Variants in CLMN observed in about 807,000 individuals in gnomAD.
CLMN encodes the protein calmin.
A neutral mutation model predicts 92.7 loss-of-function variants in CLMN; 57 were observed. The ratio of observed to expected loss-of-function variants is 0.61; its 90% CI spans 0.50 to 0.77. The LOEUF (loss-of-function observed/expected upper bound fraction) is 0.77, where lower values mean the gene tolerates loss of function less well. Among genes scored for constraint, CLMN ranks in the 30% least tolerant of loss-of-function variants. The probability of loss-of-function intolerance (pLI) is 0.00; values close to 1 mark genes in which losing one functional copy is unlikely to be tolerated. For missense variants in CLMN, 1,158 were observed against 1,237.5 expected, an observed-to-expected ratio of 0.94 and a Z score of 0.96; for synonymous variants, 466 against 470.6, an observed-to-expected ratio of 0.99 and a Z score of 0.13.
chr14:95,208,675 G>A (rs1023826317), intron 8 of CLMN, among the ~76,000 whole-genome samples: 6 of 152,224 alleles, frequency 3.9e-5, no homozygotes, highest in African/African-American at 1.4e-4. Flanking sequence ...CACGTTACAT[G>A]TAAATAGTTC....
At chr14:95,215,107 T>TA (rs1000718708) in intron 5 of CLMN, among the ~76,000 whole-genome samples, 3 of 152,134 alleles carry the variant, frequency 2.0e-5, no homozygotes, top group Admixed American at 6.5e-5. Context: ...AGTATAACAA[T>TA]AAAAAATAAA....
chr14:95,210,409 A>G (rs1595571173), intron 7 of CLMN, among the ~76,000 whole-genome samples: 2 of 152,358 alleles, frequency 1.3e-5, no homozygotes, highest in South Asian at 4.1e-4. Context: ...ATAAAAATAT[A>G]TAATACATTA....
intron 1 of CLMN, among the ~76,000 whole-genome samples, chr14:95,233,391 C>T (rs899842237): frequency 1.7e-4 from 26 of 151,320 alleles, no homozygotes; most frequent in Non-Finnish European, 3.1e-4. Flanking sequence ...ATCCAACCAT[C>T]CATTTATCCA....
intron 1 of CLMN, among the ~76,000 whole-genome samples, chr14:95,253,556 C>T (rs976950001): frequency 6.6e-6 from 1 of 151,536 alleles, no homozygotes; most frequent in African/African-American, 2.4e-5. Context: ...CCTAATATGG[C>T]CCAGTCATGT....
intron 7 of CLMN, 40 bp downstream of exon 7, chr14:95,210,646 A>T (rs765063740): frequency 6.6e-7 from 1 of 1,523,308 alleles, no homozygotes; most frequent in Admixed American, 2.0e-5. Context: ...GTACATTTGT[A>T]AAAAAAAATT....
chr14:95,203,856 C>T lies in CLMN; in HGVS notation c.1493G>A (p.Gly498Asp). 1 of 1,614,088 alleles carries T rather than the reference C, an allele frequency of 6.2e-7. No individual in the cohort carries two copies. Among genetic ancestry groups the T allele is most frequent in the Non-Finnish European group, 8.5e-7 (1 of 1,179,992 alleles). ...AGAAGACTGAGAATTATTGTTTGTG[C>T]CCTCCACCAAAAAAATGTCACCAGC... ...KVAGDIFLVE[G>D]TNNNSQSSSC... Residue 498 changes from glycine to aspartate, a missense_variant, in exon 9 of 13, where the codon GGC becomes GAC. Physicochemically the swap from Gly to Asp is moderately conservative, Grantham distance 94. Transcript: ENST00000298912.
In CLMN at chr14:95,191,772, G is replaced by A; in HGVS notation, c.2841-40C>T. ...CAGAGGAAACGCAGTTACCAAGCAGGTTCCCAGGAAAGTGGACCCCACCCA... is the reference window on the plus strand; with the variant it reads ...CAGAGGAAACGCAGTTACCAAGCAGATTCCCAGGAAAGTGGACCCCACCCA... On this transcript the variant is annotated intron_variant, in intron 12 of 12. Transcript: ENST00000298912. This position sits in a 1 kb window ranked among gnomAD's most constrained non-coding sequence, Gnocchi z 5.3. The A allele has an allele frequency of 6.4e-7, 1 of 1,563,766 alleles. No homozygotes were observed. The highest frequency in any genetic ancestry group is 8.6e-7 in the Non-Finnish European group (1 of 1,159,644).
chr14:95,242,574 C>CTTTCTTTTTTTTT lies in CLMN; in HGVS notation c.83-12442_83-12441insAAAAAAAAAGAAA, dbSNP rs749024477. On this transcript the variant is annotated intron_variant, in intron 1 of 12. Coordinates refer to ENST00000298912, the MANE Select transcript of CLMN (RefSeq NM_024734.4). Reference sequence around the variant, plus strand: ...CATGCCCAGCCTGGCATCTCTTTTTCTTTTTTTTTGAGACGGAGTCTCGCT... The same window carrying CTTTCTTTTTTTTT: ...CATGCCCAGCCTGGCATCTCTTTTTCTTTCTTTTTTTTTTTTTTTTTTGAGACGGAGTCTCGCT... 2.4e-3 allele frequency among the ~76,000 whole-genome samples: 289 copies of CTTTCTTTTTTTTT among 119,880 alleles called. 8 individuals are homozygous for CTTTCTTTTTTTTT. Among genetic ancestry groups the CTTTCTTTTTTTTT allele is most frequent in the African/African-American group, 8.3e-3 (269 of 32,338 alleles). 78.6% of individuals were successfully genotyped at this position (119,880 alleles called of 152,430 possible).
chr14:95,221,341 T>C (rs1314691133), intron 4 of CLMN, among the ~76,000 whole-genome samples: 1 of 152,186 alleles, frequency 6.6e-6, no homozygotes, highest in Non-Finnish European at 1.5e-5. Context: ...AAGAGAAAGT[T>C]CTACACTCGG....
intron 1 of CLMN, among the ~76,000 whole-genome samples, chr14:95,312,608 C>T (rs1901590326): frequency 6.6e-6 from 1 of 152,180 alleles, no homozygotes; most frequent in Admixed American, 6.5e-5. Flanking sequence ...GGCTGGCCGG[C>T]CTCACCCCAC....
chr14:95,236,779 C>T (rs569257617), intron 1 of CLMN, among the ~76,000 whole-genome samples: 1 of 152,332 alleles, frequency 6.6e-6, no homozygotes, highest in East Asian at 1.9e-4. Flanking sequence ...CTTGGGGCCT[C>T]AGTTTGCCTA....
intron 1 of CLMN, among the ~76,000 whole-genome samples, chr14:95,264,012 A>ATTTATTAC (rs1899367704): frequency 7.7e-5 from 4 of 51,768 alleles, no homozygotes; most frequent in Admixed American, 4.1e-4. Context: ...TTATTACTTT[A>ATTTATTAC]TTTATTTATT....
chr14:95,196,583 C>G lies in CLMN; in HGVS notation c.2623G>C (p.Glu875Gln). The G allele has an allele frequency of 6.2e-7, 1 of 1,614,220 alleles. No individual in the cohort carries two copies. The stretch of plus-strand genomic sequence containing the variant: ...CCTGGTGCTACAAATAGTGAACTTT[C>G]TACGTGGTCCACATGTTTCCTTTTT... ...KEKRKHVDHVESSLFVAPGSV... is the reference protein window; with the variant it reads ...KEKRKHVDHVQSSLFVAPGSV... Residue 875 changes from glutamate (E) to glutamine (Q), a missense_variant, in exon 10 of 13, where the codon GAA (glutamate) becomes CAA (glutamine). Physicochemically the swap from Glu to Gln is conservative, Grantham distance 29 (BLOSUM62 2). Coordinates refer to ENST00000298912, the MANE Select transcript of CLMN (RefSeq NM_024734.4).
rs1183874541 is a variant in CLMN, at chr14:95,183,417, G to T, written c.*8147C>A. The T allele has an allele frequency of 6.6e-6, 1 of 152,134 alleles. No homozygotes were observed. The highest frequency in any genetic ancestry group is 2.4e-5 in the African/African-American group (1 of 41,430). The allele number at this position is 152,134 out of a possible 1,614,324, so 9.4% of individuals were successfully genotyped here. A position where few individuals can be genotyped will look rare whatever the true frequency, so the allele number is the denominator to read the frequency against. On this transcript the variant is annotated 3_prime_UTR_variant, in exon 13 of 13. Coordinates refer to ENST00000298912, the MANE Select transcript of CLMN (RefSeq NM_024734.4). Reference sequence around the variant, plus strand: ...GTATCAAATGATATTTTGCTATTTTGTTTTTTGTAACAATGCAAAAATCAC... The same window carrying T: ...GTATCAAATGATATTTTGCTATTTTTTTTTTTGTAACAATGCAAAAATCAC...
intron 12 of CLMN, chr14:95,193,494 C>G: frequency 2.2e-6 from 2 of 901,986 alleles, no homozygotes; most frequent in South Asian, 3.2e-5. Context: ...AAGACCACCA[C>G]CTCTTCTCCT....
Position 95,194,334 on chromosome 14 carries a change from C to T in CLMN, c.2769+202G>A. 7.0e-7 allele frequency: 1 copy of T among 1,428,120 alleles called. No homozygotes were observed. Among genetic ancestry groups the T allele is most frequent in the Non-Finnish European group, 9.1e-7 (1 of 1,094,416 alleles). 88.5% of individuals were successfully genotyped at this position (1,428,120 alleles called of 1,614,324 possible). A position where few individuals can be genotyped will look rare whatever the true frequency, so the allele number is the denominator to read the frequency against. On this transcript the variant is annotated intron_variant, in intron 11 of 12. Transcript: ENST00000298912. The surrounding 1 kb of genome is among the most constrained non-coding windows in gnomAD (Gnocchi z 4.0). ...AGGCCTTTGGGCTTTAAAATCCTCA[C>T]TTTATTTACATCTCTTATTGCCCAA... is the stretch of plus-strand genomic sequence containing the variant.
intron 1 of CLMN, among the ~76,000 whole-genome samples, chr14:95,241,881 G>A (rs191308019): frequency 3.3e-4 from 50 of 152,224 alleles, no homozygotes; most frequent in Admixed American, 9.2e-4. Context: ...CACTCTCGCC[G>A]TAATGTCAAC....
At chr14:95,209,307 G>T in intron 8 of CLMN, 88 bp downstream of exon 8, 1 of 1,204,848 alleles carries the variant, frequency 8.3e-7, no homozygotes, top group Non-Finnish European at 1.2e-6. Flanking sequence ...GTTACACAGA[G>T]CAACGCTGCC....
intron 1 of CLMN, among the ~76,000 whole-genome samples, chr14:95,240,708 G>C (rs1898213827): frequency 6.6e-6 from 1 of 152,214 alleles, no homozygotes; most frequent in Non-Finnish European, 1.5e-5. Context: ...GGAAGGAAGG[G>C]AGGAAATCAA....
Sources: gnomAD v4.1 joint callset for allele counts (sites outside exome capture counted in the v4.1 genomes callset) on GRCh38, gnomAD v4.1.1 for gene constraint, Gnocchi (gnomAD v3.1) non-coding constraint, MANE v1.5 for transcripts, NCBI Gene and HGNC (gene_info 2026-07-23, HGNC 2026-07-21) for gene names.